CSNK2A1: variants seen among roughly 807,000 people sequenced by gnomAD.
CSNK2A1 encodes the protein casein kinase 2 alpha 1.
Under a neutral mutation model 62.9 loss-of-function variants are expected in CSNK2A1, and 10 were observed. The ratio of observed to expected loss-of-function variants is 0.16; its 90% CI spans 0.10 to 0.27. The LOEUF is 0.27. Ranked by LOEUF, CSNK2A1 falls within the 10% of genes least tolerant of loss-of-function variation. The probability of loss-of-function intolerance (pLI) is 1.00; values close to 1 mark genes in which losing one functional copy is unlikely to be tolerated. For missense variants in CSNK2A1, 160 were observed against 492.0 expected (o/e 0.33, Z 6.38); for synonymous variants, 124 against 167.8 (o/e 0.74, Z 2.02).
intron 2 of CSNK2A1, among the ~76,000 whole-genome samples, chr20:525,595 GA>G: frequency 6.8e-6 from 1 of 147,898 alleles, no homozygotes; most frequent in African/African-American, 2.5e-5. Context: ...AGCTTGCAGT[GA>G]GCCGAGATCG....
chr20:509,431 T>C (rs2018670237), intron 2 of CSNK2A1, among the ~76,000 whole-genome samples: 1 of 152,246 alleles, frequency 6.6e-6, no homozygotes, highest in South Asian at 2.1e-4. Context: ...TTTCCAATGA[T>C]GTCTTCCCTA....
At position 508,566 on chromosome 20, in the gene CSNK2A1, C is replaced by G; in HGVS notation, c.-15G>C. 2 of 1,605,900 alleles carry G rather than the reference C, an allele frequency of 1.2e-6. No homozygotes were observed. The highest frequency in any genetic ancestry group is 1.7e-6 in the Non-Finnish European group (2 of 1,174,268). On this transcript the variant is annotated 5_prime_UTR_variant, in exon 3 of 14. Transcript: ENST00000217244. ...GGTCCCGACATGTCAGACAGGTTGGCGGACAAAGCTGGACTTGATGTTTGG... is the reference window on the plus strand; with the variant it reads ...GGTCCCGACATGTCAGACAGGTTGGGGGACAAAGCTGGACTTGATGTTTGG...
intron 13 of CSNK2A1, among the ~76,000 whole-genome samples, chr20:485,065 C>T (rs2018043145): frequency 3.1e-5 from 1 of 32,590 alleles, no homozygotes; most frequent in Non-Finnish European, 5.1e-5. Flanking sequence ...GACCTTGTCT[C>T]CAAAAAAAAA....
rs370474397 is a variant in CSNK2A1 at position 483,951 on chromosome 20, G to T, written c.*10C>A. 7 of 1,609,754 alleles carry T rather than the reference G, an allele frequency of 4.3e-6. No individual in the cohort carries two copies. In the African/African-American group the frequency reaches 8.0e-5, roughly 18 times the overall value. ...ACCTCTGCTCAGGCATCAGGAGACA[G>T]ATAGGGCCGTTACTGCTGAGCGCCA... On this transcript the variant is annotated 3_prime_UTR_variant, in exon 14 of 14. Transcript: ENST00000217244.
At chr20:517,114 T>A (rs1012683810) in intron 2 of CSNK2A1, among the ~76,000 whole-genome samples, 2 of 152,214 alleles carry the variant, frequency 1.3e-5, no homozygotes, top group African/African-American at 4.8e-5. Flanking sequence ...ACAAGACTTG[T>A]GGAACTCAGC....
chr20:509,967 T>G (rs2018682793), intron 2 of CSNK2A1, among the ~76,000 whole-genome samples: 1 of 152,086 alleles, frequency 6.6e-6, no homozygotes, highest in South Asian at 2.1e-4. Flanking sequence ...CTAAAACATG[T>G]CCACAGCATA....
intron 8 of CSNK2A1, 151 bp from the exon 9 acceptor site, chr20:492,515 C>T: frequency 2.9e-6 from 2 of 690,384 alleles, no homozygotes; most frequent in East Asian, 2.8e-5. Flanking sequence ...GAAAATAAAA[C>T]TTCTTAGCTT....
chr20:542,332 A>G (rs1397112310), intron 1 of CSNK2A1, among the ~76,000 whole-genome samples: 1 of 152,188 alleles, frequency 6.6e-6, no homozygotes, highest in African/African-American at 2.4e-5. Context: ...AATGGCCCTG[A>G]TATTTGAGAA....
chr20:511,541 C>G (rs763956130), intron 2 of CSNK2A1, among the ~76,000 whole-genome samples: 3 of 152,172 alleles, frequency 2.0e-5, no homozygotes, highest in African/African-American at 7.2e-5. Flanking sequence ...TCTGCCTGAG[C>G]TGGCTATTCT....
chr20:495,439 G>A, intron 8 of CSNK2A1: 2 of 354,772 alleles, frequency 5.6e-6, no homozygotes, highest in East Asian at 1.2e-4. Context: ...AGTTTCTCAG[G>A]AAACCAGTTA....
intron 4 of CSNK2A1, 136 bp from the exon 5 acceptor site, chr20:500,070 G>A (rs1267361157): frequency 2.0e-5 from 13 of 659,824 alleles, no homozygotes; most frequent in African/African-American, 5.5e-5. Context: ...TGTCACATTC[G>A]TCTCTGAATC....
chr20:493,960 A>G (rs2018292986), intron 8 of CSNK2A1, among the ~76,000 whole-genome samples: 1 of 151,668 alleles, frequency 6.6e-6, no homozygotes, highest in Admixed American at 6.6e-5. Flanking sequence ...CTTCATAATA[A>G]TATTATATGG....
Position 476,258 on chromosome 20 carries a change from A to C in CSNK2A1, c.*7703T>G, listed in dbSNP as rs1285980384. ...AAGACTTCAAGATTCCTTCCTAGTGAGTTTTTCTTTTTTACTTTTAGATGG... is the reference window on the plus strand; with the variant it reads ...AAGACTTCAAGATTCCTTCCTAGTGCGTTTTTCTTTTTTACTTTTAGATGG... On this transcript the variant is annotated 3_prime_UTR_variant, in exon 14 of 14. Coordinates refer to ENST00000217244, the MANE Select transcript of CSNK2A1 (RefSeq NM_177559.3). 1 of 152,222 alleles carries C rather than the reference A, an allele frequency of 6.6e-6. No individual in the cohort carries two copies. Among genetic ancestry groups the C allele is most frequent in the Admixed American group, 6.6e-5 (1 of 15,244 alleles). The allele number at this position is 152,222 out of a possible 1,614,324, so 9.4% of individuals were successfully genotyped here.
intron 2 of CSNK2A1, among the ~76,000 whole-genome samples, chr20:521,919 A>G (rs538713717): frequency 6.6e-6 from 1 of 152,342 alleles, no homozygotes; most frequent in Admixed American, 6.5e-5. Flanking sequence ...TGAAGAAGCC[A>G]GAAACAAAAG....
At chr20:485,101 A>ATAT (rs2018057838) in intron 13 of CSNK2A1, among the ~76,000 whole-genome samples, 1 of 31,866 alleles carries the variant, frequency 3.1e-5, no homozygotes, top group African/African-American at 1.0e-4. Context: ...AAAAAAAAAA[A>ATAT]AAAAAAAAAT....
rs965150113 is a variant in CSNK2A1, at chr20:543,639, G to C, written c.-227+33C>G. On this transcript the variant is annotated intron_variant, in intron 1 of 13. Coordinates refer to ENST00000217244, the MANE Select transcript of CSNK2A1 (RefSeq NM_177559.3). Reference sequence around the variant, plus strand: ...GCCCTATCCTGGGCCCACCCCACCCGCCAACGACCTCGCCTGGCTGCTCCC... The same window carrying C: ...GCCCTATCCTGGGCCCACCCCACCCCCCAACGACCTCGCCTGGCTGCTCCC... 9 of 397,486 alleles carry C rather than the reference G, an allele frequency of 2.3e-5. No individual in the cohort carries two copies. The Admixed American group carries it at 4.0e-4, about 18-fold the overall frequency. 24.6% of individuals were successfully genotyped at this position (397,486 alleles called of 1,614,324 possible). A position where few individuals can be genotyped will look rare whatever the true frequency, so the allele number is the denominator to read the frequency against.
Position 543,708 on chromosome 20 carries a change from C to G in CSNK2A1, c.-263G>C, listed in dbSNP as rs983546457. 1 of 398,330 alleles carries G rather than the reference C, an allele frequency of 2.5e-6. No homozygotes were observed. Among genetic ancestry groups the G allele is most frequent in the South Asian group, 1.3e-4 (1 of 7,718 alleles). The allele number at this position is 398,330 out of a possible 1,614,324, so 24.7% of individuals were successfully genotyped here. On this transcript the variant is annotated 5_prime_UTR_variant, in exon 1 of 14. Transcript: ENST00000217244. ...GCGGCAGCGGCGGCGGCCGCTCTCC[C>G]CTCTGCTCACACAGACAATATGGCG... is the stretch of plus-strand genomic sequence containing the variant.
At chr20:539,675 C>G (rs1045418865) in intron 1 of CSNK2A1, 3 of 152,162 alleles carry the variant, frequency 2.0e-5, no homozygotes, top group Non-Finnish European at 2.9e-5. Context: ...TTCTGCTTAC[C>G]GCAGTCTGCC....
At chr20:508,423 G>A in intron 3 of CSNK2A1, 28 bp downstream of exon 3, 5 of 1,611,668 alleles carry the variant, frequency 3.1e-6, no homozygotes, top group Non-Finnish European at 4.2e-6. Context: ...CTTTGAGTGA[G>A]TATAATGAAG....
Sources: gnomAD v4.1 joint callset for allele counts (sites outside exome capture counted in the v4.1 genomes callset) on GRCh38, gnomAD v4.1.1 for gene constraint, MANE v1.5 for transcripts, NCBI Gene and HGNC (gene_info 2026-07-23, HGNC 2026-07-21) for gene names.